Variants in FER1L5 observed in about 807,000 individuals in gnomAD.
The protein encoded by FER1L5 is fer-1 like family member 5.
Under a neutral mutation model 279.9 loss-of-function variants are expected in FER1L5, and 187 were observed. The ratio of observed to expected loss-of-function variants is 0.67; its 90% confidence interval spans 0.59 to 0.75. FER1L5 has a LOEUF of 0.75. FER1L5 is among the 30% of genes least tolerant of loss of function. FER1L5 has a pLI of 0.00. For synonymous variants in FER1L5, 921 were observed against 989.7 expected (o/e 0.93, Z 1.30); for missense variants, 2,091 against 2,594.4 (o/e 0.81, Z 4.21).
chr2:96,702,284 C>T lies in FER1L5; in HGVS notation c.5160-22C>T. 1 of 1,604,612 alleles carries T rather than the reference C, an allele frequency of 6.2e-7. No individual in the cohort carries two copies. The highest frequency in any genetic ancestry group is 8.5e-7 in the Non-Finnish European group (1 of 1,175,848). The stretch of plus-strand genomic sequence containing the variant: ...GCTGGGGAGCTCCTCCTCAGCAAAG[C>T]CTCAGAGCACAGTGGCCACAGGTAT... On this transcript the variant is annotated intron_variant, in intron 46 of 52. Coordinates refer to ENST00000624922, the MANE Select transcript of FER1L5 (RefSeq NM_001293083.2). This position sits in a 1 kb window ranked among gnomAD's most constrained non-coding sequence, Gnocchi z 4.0.
intron 51 of FER1L5, 105 bp from the exon 52 acceptor site, chr2:96,704,110 C>A: frequency 7.2e-7 from 1 of 1,380,186 alleles, no homozygotes; most frequent in South Asian, 1.4e-5. Flanking sequence ...GACACTGTGC[C>A]TGGCCCAGTA....
At chr2:96,672,497 C>T (rs1009423891) in intron 18 of FER1L5, among the ~76,000 whole-genome samples, 1 of 151,598 alleles carries the variant, frequency 6.6e-6, no homozygotes. Context: ...GTGAACAGAC[C>T]GGGGGAATGC....
At chr2:96,699,866 T>G in intron 43 of FER1L5, 66 bp from the exon 44 acceptor site, 1 of 1,593,560 alleles carries the variant, frequency 6.3e-7, no homozygotes, top group African/African-American at 1.3e-5. Context: ...GTGGTCAACC[T>G]GCAGCTCACA....
chr2:96,652,482 G>C (rs60501446), intron 7 of FER1L5: 1 of 162,980 alleles, frequency 6.1e-6, no homozygotes, highest in South Asian at 1.7e-4. Context: ...TAATGAGGCT[G>C]GGGGTGGCGG....
chr2:96,699,521 C>G, intron 42 of FER1L5, 29 bp from the exon 43 acceptor site: 1 of 1,601,516 alleles, frequency 6.2e-7, no homozygotes, highest in Non-Finnish European at 8.5e-7. Context: ...TGCCCACATC[C>G]TCTGCAGTCT....
In FER1L5 at chr2:96,702,806, T is replaced by C; in HGVS notation, c.5397+65T>C. On this transcript the variant is annotated intron_variant, in intron 48 of 52. Transcript: ENST00000624922. The surrounding 1 kb of genome is among the most constrained non-coding windows in gnomAD (Gnocchi z 4.0). The stretch of plus-strand genomic sequence containing the variant: ...AACAGACCCAGGCTCCTGGAGCTCC[T>C]CCCCCCACCCCTCCAGAGGCTTGCA... The C allele has an allele frequency of 6.3e-7, 1 of 1,587,320 alleles. No individual in the cohort carries two copies. Among genetic ancestry groups the C allele is most frequent in the Non-Finnish European group, 8.6e-7 (1 of 1,167,532 alleles).
Position 96,698,993 on chromosome 2 carries a change from C to A in FER1L5, c.4519-52C>A. ...CCCTCCTCCCACCCTCCCTGACAAA[C>A]CTGGACGGCCTCCCCAGTTCCTATC... On this transcript the variant is annotated intron_variant, in intron 41 of 52. Coordinates refer to ENST00000624922, the MANE Select transcript of FER1L5 (RefSeq NM_001293083.2). This position sits in a 1 kb window ranked among gnomAD's most constrained non-coding sequence, Gnocchi z 5.5. The A allele has an allele frequency of 6.4e-7, 1 of 1,553,496 alleles. No individual in the cohort carries two copies. Among genetic ancestry groups the A allele is most frequent in the Non-Finnish European group, 8.7e-7 (1 of 1,143,974 alleles).
In FER1L5 at chr2:96,699,576, C is replaced by T. The variant is rs1455518883; in HGVS notation, c.4637C>T (p.Pro1546Leu). 1 of 1,613,884 alleles carries T rather than the reference C, an allele frequency of 6.2e-7. No individual in the cohort carries two copies. The highest frequency in any genetic ancestry group is 1.7e-5 in the Admixed American group (1 of 60,014). ...GMMFELTCNI[P>L]LEKDLEIQLY... ...ATGTTTGAACTCACCTGCAACATAC[C>T]CCTGGAGAAGGACCTAGAGATCCAG... Residue 1546 changes from proline (P) to leucine (L), a missense_variant, in exon 43 of 53, where the codon CCC becomes CTC. Transcript: ENST00000624922.
intron 9 of FER1L5, among the ~76,000 whole-genome samples, chr2:96,659,281 TTATCAAG>T (rs1273393019): frequency 6.8e-5 from 9 of 131,974 alleles, no homozygotes; most frequent in African/African-American, 2.4e-4. Context: ...GAAGTCCAAT[TTATCAAG>T]CTTTCCTTCC....
Position 96,691,115 on chromosome 2 carries a change from T to G in FER1L5, c.2744-75T>G. ...AGGGAAGTAATGCCCCTCTAGGGCC[T>G]GTCTCCCGGGTTTGTCCAGGCCTCC... On this transcript the variant is annotated intron_variant, in intron 27 of 52. Transcript: ENST00000624922. This position sits in a 1 kb window ranked among gnomAD's most constrained non-coding sequence, Gnocchi z 6.0. The G allele has an allele frequency of 2.0e-6, 3 of 1,466,486 alleles. No homozygotes were observed. The highest frequency in any genetic ancestry group is 2.7e-6 in the Non-Finnish European group (3 of 1,101,392). The allele number at this position is 1,466,486 out of a possible 1,614,324, so 90.8% of individuals were successfully genotyped here.
In FER1L5 at chr2:96,704,758, C is replaced by CT; in HGVS notation, c.*69dup. 1 of 1,254,832 alleles carries CT rather than the reference C, an allele frequency of 8.0e-7. No homozygotes were observed. The highest frequency in any genetic ancestry group is 2.3e-5 in the East Asian group (1 of 43,066). The allele number at this position is 1,254,832 out of a possible 1,614,324, so 77.7% of individuals were successfully genotyped here. On this transcript the variant is annotated 3_prime_UTR_variant, in exon 53 of 53. Coordinates refer to ENST00000624922, the MANE Select transcript of FER1L5 (RefSeq NM_001293083.2). ...CCTCCCCTTGGGCTGGCTACCAGTT[C>CT]TTTGTTTCTATCTTCTAGAATATAT...
At chr2:96,685,569 A>T in intron 21 of FER1L5, 140 bp downstream of exon 21, 1 of 745,170 alleles carries the variant, frequency 1.3e-6, no homozygotes, top group Non-Finnish European at 2.1e-6. Flanking sequence ...CCAGCGGGAA[A>T]CCCCAAGAGT....
intron 9 of FER1L5, among the ~76,000 whole-genome samples, chr2:96,658,097 A>G (rs1157884614): frequency 6.6e-6 from 1 of 150,830 alleles, no homozygotes; most frequent in Non-Finnish European, 1.5e-5. Flanking sequence ...GCTCACTGCA[A>G]CCTCCCCCTC....
chr2:96,663,663 A>G (rs2076028621), intron 14 of FER1L5, among the ~76,000 whole-genome samples, 156 bp downstream of exon 14: 1 of 152,146 alleles, frequency 6.6e-6, no homozygotes, highest in Non-Finnish European at 1.5e-5. Context: ...CCCAGGACAT[A>G]TTATGGAAAA....
chr2:96,661,131 A>C (rs921950066), intron 10 of FER1L5, among the ~76,000 whole-genome samples, 194 bp from the exon 11 acceptor site: 2 of 152,136 alleles, frequency 1.3e-5, no homozygotes, highest in Non-Finnish European at 2.9e-5. Flanking sequence ...CCTAGAGGCA[A>C]CAGCTGGCAG....
At position 96,689,412 on chromosome 2, in the gene FER1L5, C is replaced by T. The variant is rs370480045; in HGVS notation, c.2525+36C>T. On this transcript the variant is annotated intron_variant, in intron 25 of 52. Transcript: ENST00000624922. This position sits in a 1 kb window ranked among gnomAD's most constrained non-coding sequence, Gnocchi z 4.6. ...AGGGGGCAGGCCCCACCAGAGGGGA[C>T]ACTTCACCTGGGAGGGCCAGTCCGC... The T allele has an allele frequency of 2.0e-5, 31 of 1,541,294 alleles. 1 individual carries two copies. Among genetic ancestry groups the T allele is most frequent in the Admixed American group, 1.3e-4 (6 of 47,378 alleles).
chr2:96,659,420 T>TCCTTTCTTTCCTTTCTTCCTTTCTTC (rs1278101149), intron 9 of FER1L5, among the ~76,000 whole-genome samples: 1 of 8,386 alleles, frequency 1.2e-4, no homozygotes, highest in Non-Finnish European at 1.9e-4. Flanking sequence ...TTTCTTTCTT[T>TCCTTTCTTTCCTTTCTTCCTTTCTTC]CTTTCTTTCT....
intron 1 of FER1L5, among the ~76,000 whole-genome samples, chr2:96,643,326 T>C (rs2074963345): frequency 6.6e-6 from 1 of 152,180 alleles, no homozygotes; most frequent in Non-Finnish European, 1.5e-5. Flanking sequence ...AGCTTTACAA[T>C]TGACAAGGCA....
chr2:96,688,293 C>A (rs891991172), intron 24 of FER1L5, among the ~76,000 whole-genome samples: 3 of 152,162 alleles, frequency 2.0e-5, no homozygotes, highest in African/African-American at 7.2e-5. Flanking sequence ...TCTCCTAGTT[C>A]ATCAACAGCA....
Sources: gnomAD v4.1 joint callset for allele counts (sites outside exome capture counted in the v4.1 genomes callset) on GRCh38, gnomAD v4.1.1 for gene constraint, Gnocchi (gnomAD v3.1) non-coding constraint, MANE v1.5 for transcripts, NCBI Gene and HGNC (gene_info 2026-07-23, HGNC 2026-07-21) for gene names.